Variants in C10orf67 observed in about 807,000 individuals in gnomAD.
C10orf67 encodes chromosome 10 open reading frame 67.
C10orf67 carries 60 observed loss-of-function variants against 35.6 expected under a neutral mutation model. That is an observed-to-expected ratio of 1.68 (90% CI 1.37 to 2.09). The LOEUF is 2.09. Among genes scored for constraint, C10orf67 ranks in the 30% most tolerant of loss-of-function variants. C10orf67 has a pLI of 0.00. For missense variants in C10orf67, 474 were observed against 330.2 expected, an observed-to-expected ratio of 1.44 and a Z score of -3.38; for synonymous variants, 167 against 115.8, an observed-to-expected ratio of 1.44 and a Z score of -2.84.
intron 15 of C10orf67, among the ~76,000 whole-genome samples, chr10:23,209,998 TAAA>T (rs59247961): frequency 1.5e-4 from 10 of 67,200 alleles, no homozygotes; most frequent in East Asian, 5.7e-4. Flanking sequence ...AGACCTTGGC[TAAA>T]AAAAAAAAAA....
intron 2 of C10orf67, among the ~76,000 whole-genome samples, chr10:23,330,719 G>A (rs1345083912): frequency 4.2e-5 from 6 of 142,280 alleles, no homozygotes; most frequent in African/African-American, 1.3e-4. Context: ...CAGCCTGGGC[G>A]ACAGAGCAAG....
At chr10:23,232,482 T>A (rs1181664099) in intron 13 of C10orf67, among the ~76,000 whole-genome samples, 1 of 152,226 alleles carries the variant, frequency 6.6e-6, no homozygotes, top group African/African-American at 2.4e-5. Flanking sequence ...TAGAGCAATG[T>A]TCCCTGGCAT....
At chr10:23,238,265 C>T (rs1484295033) in intron 13 of C10orf67, among the ~76,000 whole-genome samples, 11 of 152,224 alleles carry the variant, frequency 7.2e-5, no homozygotes, top group Non-Finnish European at 8.8e-5. Context: ...TGGATCTAAA[C>T]TCACACATTC....
intron 7 of C10orf67, among the ~76,000 whole-genome samples, chr10:23,283,770 A>G (rs146589040): frequency 0.013 from 1,951 of 152,104 alleles, 138 homozygotes; most frequent in Admixed American, 0.11. Context: ...CCATTGCAGT[A>G]TCCTTTCTCC....
intron 13 of C10orf67, among the ~76,000 whole-genome samples, chr10:23,230,339 A>G (rs1841873864): frequency 6.6e-6 from 1 of 152,204 alleles, no homozygotes; most frequent in Non-Finnish European, 1.5e-5. Flanking sequence ...AAATATGAAA[A>G]GCAAAACAAG....
rs1844990473 is a variant in C10orf67, at chr10:23,322,382, G to T, written c.471+12C>A. The T allele has an allele frequency of 6.2e-7, 1 of 1,605,792 alleles. No individual in the cohort carries two copies. Among genetic ancestry groups the T allele is most frequent in the Admixed American group, 1.7e-5 (1 of 59,486 alleles). ...AATCCACATAAAACAAAAGAAATAA[G>T]AGAACATTTACCTGTTGATAATGCT... On this transcript the variant is annotated intron_variant, in intron 3 of 15. Coordinates refer to ENST00000636213, the MANE Select transcript of C10orf67 (RefSeq NM_001371909.1).
At chr10:23,299,057 A>T (rs1474842834) in intron 5 of C10orf67, among the ~76,000 whole-genome samples, 1 of 152,198 alleles carries the variant, frequency 6.6e-6, no homozygotes, top group African/African-American at 2.4e-5. Flanking sequence ...AGAAAAAGGT[A>T]TCCTTAAGGT....
chr10:23,235,722 A>G (rs556153539), intron 13 of C10orf67, among the ~76,000 whole-genome samples: 20 of 152,366 alleles, frequency 1.3e-4, no homozygotes, highest in Admixed American at 7.2e-4. Flanking sequence ...AGACCTAAGA[A>G]TGACCAATCA....
intron 15 of C10orf67, among the ~76,000 whole-genome samples, chr10:23,223,295 G>C (rs1033624292): frequency 6.6e-6 from 1 of 151,976 alleles, no homozygotes; most frequent in Admixed American, 6.6e-5. Flanking sequence ...TGTTGCCTAG[G>C]CTGATCTCAA....
rs150577877 is a variant in C10orf67, at chr10:23,229,357, C to G, written c.1435-5539G>C. 6.6e-3 allele frequency among the ~76,000 whole-genome samples: 963 copies of G among 144,902 alleles called. 5 individuals carry two copies. The highest frequency in any genetic ancestry group is 0.011 in the Middle Eastern group (3 of 262). On this transcript the variant is annotated intron_variant, in intron 13 of 15. Coordinates refer to ENST00000636213, the MANE Select transcript of C10orf67 (RefSeq NM_001371909.1). ...GACAAAAAACCAAACACCGCATGTT[C>G]TCACTCATAGATGGGAATTGAACAA...
intron 13 of C10orf67, among the ~76,000 whole-genome samples, chr10:23,237,833 G>GGAAAT (rs780384944): frequency 2.0e-5 from 3 of 152,246 alleles, no homozygotes; most frequent in Non-Finnish European, 4.4e-5. Flanking sequence ...CAGGGATGAT[G>GGAAAT]GAAATGCTCA....
At chr10:23,282,554 A>G (rs1051140976) in intron 7 of C10orf67, among the ~76,000 whole-genome samples, 3 of 151,912 alleles carry the variant, frequency 2.0e-5, no homozygotes, top group Non-Finnish European at 4.4e-5. Context: ...CTTGAGGCCA[A>G]GGGTGTGAGA....
intron 4 of C10orf67, chr10:23,317,052 T>G (rs1844745943): frequency 6.5e-6 from 1 of 152,808 alleles, no homozygotes; most frequent in Non-Finnish European, 1.5e-5. Context: ...CGCTTCCTGC[T>G]GCTGTTCATG....
chr10:23,334,675 G>T (rs572753252), intron 1 of C10orf67, among the ~76,000 whole-genome samples: 1 of 152,358 alleles, frequency 6.6e-6, no homozygotes, highest in African/African-American at 2.4e-5. Flanking sequence ...GGATGTCCAG[G>T]GACGGGTGTA....
At chr10:23,270,292 C>T (rs1490671907) in intron 8 of C10orf67, among the ~76,000 whole-genome samples, 2 of 152,052 alleles carry the variant, frequency 1.3e-5, no homozygotes, top group Non-Finnish European at 2.9e-5. Context: ...AAACCCCTGC[C>T]CCCAGCCAAG....
intron 1 of C10orf67, among the ~76,000 whole-genome samples, chr10:23,337,175 C>G (rs901488142): frequency 1.3e-5 from 2 of 152,068 alleles, no homozygotes; most frequent in Non-Finnish European, 2.9e-5. Context: ...ATGGGAAGCT[C>G]TAATAAATAT....
intron 7 of C10orf67, among the ~76,000 whole-genome samples, chr10:23,289,672 G>A (rs1436939873): frequency 6.6e-6 from 1 of 152,130 alleles, no homozygotes; most frequent in East Asian, 1.9e-4. Flanking sequence ...AATCAACAAG[G>A]CAGATGGTCA....
At chr10:23,236,197 T>A (rs927985432) in intron 13 of C10orf67, among the ~76,000 whole-genome samples, 1 of 135,184 alleles carries the variant, frequency 7.4e-6, no homozygotes, top group Non-Finnish European at 1.5e-5. Flanking sequence ...TGCAGTGAGC[T>A]GAGATTGCGC....
At chr10:23,259,095 T>A (rs1842678654) in intron 10 of C10orf67, among the ~76,000 whole-genome samples, 1 of 152,228 alleles carries the variant, frequency 6.6e-6, no homozygotes, top group Non-Finnish European at 1.5e-5. Flanking sequence ...TTTTACTTGC[T>A]TTTTTATCAA....
Sources: allele counts gnomAD v4.1 joint callset (sites outside exome capture counted in the v4.1 genomes callset), GRCh38; gene constraint gnomAD v4.1.1; transcripts MANE v1.5; gene names NCBI Gene and HGNC (gene_info 2026-07-23, HGNC 2026-07-21).